GRIN2A: variants seen among roughly 807,000 people sequenced by gnomAD.
The protein encoded by GRIN2A is glutamate ionotropic receptor NMDA type subunit 2A.
Under a neutral mutation model 113.4 loss-of-function variants are expected in GRIN2A, and 22 were observed. The ratio of observed to expected loss-of-function variants is 0.19; its 90% CI spans 0.14 to 0.28. The LOEUF (loss-of-function observed/expected upper bound fraction) is 0.28, where lower values mean the gene tolerates loss of function less well. Ranked by LOEUF, GRIN2A falls within the 10% of genes least tolerant of loss-of-function variation. The pLI is 1.00. For synonymous variants in GRIN2A, 827 were observed against 738.4 expected, an observed-to-expected ratio of 1.12 and a Z score of -1.94; for missense variants, 1,502 against 1,887.0, an observed-to-expected ratio of 0.80 and a Z score of 3.78.
chr16:10,080,095 T>C (rs1045479728), intron 2 of GRIN2A, among the ~76,000 whole-genome samples: 1 of 152,190 alleles, frequency 6.6e-6, no homozygotes, highest in African/African-American at 2.4e-5. Flanking sequence ...AGTAAGTGCT[T>C]AATAAATGCC....
chr16:9,864,803 G>A (rs902500134), intron 4 of GRIN2A, among the ~76,000 whole-genome samples: 1 of 152,192 alleles, frequency 6.6e-6, no homozygotes, highest in Non-Finnish European at 1.5e-5. Context: ...GAACTTGGTA[G>A]CAGGTCTCTG....
At position 9,761,537 on chromosome 16, in the gene GRIN2A, TA is replaced by T; in HGVS notation, c.*1611del. ...CACTAATTAACAGAGTAGAACTATA[TA>T]AAAGGTTTAGTTAATATTATTTGCT... On this transcript the variant is annotated 3_prime_UTR_variant, in exon 13 of 13. Coordinates refer to ENST00000330684, the MANE Select transcript of GRIN2A (RefSeq NM_001134407.3). 1 of 228,854 alleles carries T rather than the reference TA, an allele frequency of 4.4e-6. No homozygotes were observed. Among genetic ancestry groups the T allele is most frequent in the Non-Finnish European group, 8.7e-6 (1 of 115,386 alleles). 14.2% of individuals were successfully genotyped at this position (228,854 alleles called of 1,614,324 possible).
chr16:9,807,520 T>C (rs1485088536), intron 10 of GRIN2A, among the ~76,000 whole-genome samples: 1 of 152,026 alleles, frequency 6.6e-6, no homozygotes, highest in African/African-American at 2.4e-5. Flanking sequence ...ATTTCAAAGA[T>C]AGGGAAGGAT....
chr16:9,870,488 T>C (rs544850475), intron 4 of GRIN2A, among the ~76,000 whole-genome samples: 14 of 152,346 alleles, frequency 9.2e-5, no homozygotes, highest in Admixed American at 7.8e-4. Context: ...CTAGAGTTAA[T>C]ATAGCTCTTT....
At chr16:9,804,837 G>T (rs1315911436) in intron 10 of GRIN2A, among the ~76,000 whole-genome samples, 2 of 152,174 alleles carry the variant, frequency 1.3e-5, no homozygotes, top group African/African-American at 4.8e-5. Flanking sequence ...ATCACCGGCA[G>T]TCCTCAAGGA....
chr16:10,137,619 G>A lies in GRIN2A; in HGVS notation c.414+42379C>T, dbSNP rs561117398. On this transcript the variant is annotated intron_variant, in intron 2 of 12. Transcript: ENST00000330684. ...GGCCACTGTATGCCTTCCTGCCCCAGCCCTGGCCTACATTTCCTTAATTCA... is the reference window on the plus strand; with the variant it reads ...GGCCACTGTATGCCTTCCTGCCCCAACCCTGGCCTACATTTCCTTAATTCA... 1.2e-4 allele frequency among the ~76,000 whole-genome samples: 19 copies of A among 152,246 alleles called. No homozygotes were observed. In the East Asian group the frequency reaches 1.5e-3, roughly 12 times the overall value.
At chr16:9,985,737 A>G (rs1016111842) in intron 2 of GRIN2A, among the ~76,000 whole-genome samples, 6 of 152,216 alleles carry the variant, frequency 3.9e-5, no homozygotes, top group Non-Finnish European at 8.8e-5. Flanking sequence ...AGTGATGGTT[A>G]ATGAGTACAA....
At chr16:10,042,353 G>T (rs967992806) in intron 2 of GRIN2A, among the ~76,000 whole-genome samples, 7 of 152,040 alleles carry the variant, frequency 4.6e-5, no homozygotes, top group African/African-American at 1.7e-4. Context: ...GAGGAAGTTG[G>T]CTGCCATGAC....
rs2141129556 is a variant in GRIN2A, at chr16:9,763,755, C to G, written c.3789G>C (p.Gly1263=). The G allele has an allele frequency of 6.2e-7, 1 of 1,614,088 alleles. No individual in the cohort carries two copies. ...CCCAGTCCTGCTGGTAGACCTGCTCCCCGGTGGCTGGGTTACCTGTCTCCT... is the reference window on the plus strand; with the variant it reads ...CCCAGTCCTGCTGGTAGACCTGCTCGCCGGTGGCTGGGTTACCTGTCTCCT... The part of the protein sequence containing the change: ...MLQETGNPAT[G]EQVYQQDWAQ... The change falls in exon 13 of 13, where the codon GGG becomes GGC. Residue 1263 remains glycine (G), a synonymous_variant. Coordinates refer to ENST00000330684, the MANE Select transcript of GRIN2A (RefSeq NM_001134407.3).
intron 9 of GRIN2A, among the ~76,000 whole-genome samples, chr16:9,823,315 AT>A (rs1292120195): frequency 6.6e-6 from 1 of 152,202 alleles, no homozygotes; most frequent in African/African-American, 2.4e-5. Context: ...TGGTTGGAAA[AT>A]TGGGTTCTAT....
intron 3 of GRIN2A, among the ~76,000 whole-genome samples, chr16:9,926,928 T>TAA (rs57664314): frequency 1.7e-3 from 251 of 147,774 alleles, no homozygotes; most frequent in African/African-American, 5.0e-3. Context: ...ACTCTAAGTT[T>TAA]AAAAAAAAAA....
intron 2 of GRIN2A, among the ~76,000 whole-genome samples, chr16:10,059,623 C>T (rs2047515061): frequency 6.6e-6 from 1 of 150,704 alleles, no homozygotes; most frequent in South Asian, 2.1e-4. Context: ...CCTCAGACAA[C>T]AGAGCGTCTT....
intron 3 of GRIN2A, among the ~76,000 whole-genome samples, chr16:9,911,790 A>T (rs945847240): frequency 1.3e-5 from 2 of 152,220 alleles, no homozygotes; most frequent in African/African-American, 4.8e-5. Context: ...ACAGAAAAAA[A>T]CCTGAGTATA....
intron 2 of GRIN2A, among the ~76,000 whole-genome samples, chr16:10,114,000 A>G (rs2048677493): frequency 6.6e-6 from 1 of 152,034 alleles, no homozygotes; most frequent in African/African-American, 2.4e-5. Flanking sequence ...CCTGGATAAC[A>G]AAGACCCTCG....
At chr16:9,981,735 C>T (rs941139406) in intron 2 of GRIN2A, among the ~76,000 whole-genome samples, 22 of 152,116 alleles carry the variant, frequency 1.4e-4, no homozygotes, top group Non-Finnish European at 1.2e-4. Flanking sequence ...TTAGAAAAAT[C>T]GTATTCTTTT....
At chr16:9,908,232 C>T (rs1012468326) in intron 3 of GRIN2A, among the ~76,000 whole-genome samples, 9 of 152,056 alleles carry the variant, frequency 5.9e-5, no homozygotes, top group Non-Finnish European at 4.4e-5. Context: ...CTAAGCTCTG[C>T]AAGTCCCAGT....
At chr16:9,833,600 T>C (rs541795118) in intron 8 of GRIN2A, among the ~76,000 whole-genome samples, 2 of 152,360 alleles carry the variant, frequency 1.3e-5, no homozygotes, top group South Asian at 4.1e-4. Context: ...TATGACAAGA[T>C]TAAAATATTT....
intron 2 of GRIN2A, among the ~76,000 whole-genome samples, chr16:10,006,578 C>T (rs891792077): frequency 6.6e-6 from 1 of 152,126 alleles, no homozygotes; most frequent in Non-Finnish European, 1.5e-5. Context: ...ATAATCGCAT[C>T]AGGGTAAAAT....
At position 9,926,883 on chromosome 16, in the gene GRIN2A, A is replaced by G. The variant is rs13333940; in HGVS notation, c.1007+11076T>C. Reference sequence around the variant, plus strand: ...TTGTGAAATCTGATGATAGTGTTTAAACATTGGGACTTTACTTTTGGAAAC... The same window carrying G: ...TTGTGAAATCTGATGATAGTGTTTAGACATTGGGACTTTACTTTTGGAAAC... On this transcript the variant is annotated intron_variant, in intron 3 of 12. Coordinates refer to ENST00000330684, the MANE Select transcript of GRIN2A (RefSeq NM_001134407.3). 9.2e-3 allele frequency among the ~76,000 whole-genome samples: 1,392 copies of G among 151,524 alleles called. 18 individuals are homozygous for G. Among genetic ancestry groups the G allele is most frequent in the African/African-American group, 0.032 (1,327 of 41,162 alleles).
Sources: allele counts gnomAD v4.1 joint callset (sites outside exome capture counted in the v4.1 genomes callset), GRCh38; gene constraint gnomAD v4.1.1; transcripts MANE v1.5; gene names NCBI Gene and HGNC (gene_info 2026-07-23, HGNC 2026-07-21).